The following KLHDC4 variants were observed in gnomAD, a reference collection of about 807,000 sequenced individuals.
KLHDC4 encodes the protein kelch domain containing 4.
A neutral mutation model predicts 62.4 loss-of-function variants in KLHDC4; 90 were observed. That is an observed-to-expected ratio of 1.44 (90% confidence interval 1.22 to 1.72). The LOEUF is 1.72. Ranked by LOEUF, KLHDC4 falls within the 40% of genes most tolerant of loss-of-function variation. The pLI is 0.00. For missense variants in KLHDC4, 1,025 were observed against 699.7 expected, an observed-to-expected ratio of 1.47 and a Z score of -5.25; for synonymous variants, 386 against 284.4, an observed-to-expected ratio of 1.36 and a Z score of -3.59.
chr16:87,731,525 G>T (rs1391480119), intron 5 of KLHDC4, among the ~76,000 whole-genome samples: 3 of 152,006 alleles, frequency 2.0e-5, no homozygotes, highest in African/African-American at 4.8e-5. Flanking sequence ...AGCGGTCAGG[G>T]AAACATATGC....
rs1255858544 is a variant in KLHDC4, at chr16:87,709,347, G to A, written c.1365C>T (p.Asp455=). 1 of 1,613,310 alleles carries A rather than the reference G, an allele frequency of 6.2e-7. No individual in the cohort carries two copies. Among genetic ancestry groups the A allele is most frequent in the East Asian group, 2.2e-5 (1 of 44,898 alleles). ...GCAGGTCGCTGAGGGTGACCTGGCG[G>A]TCGCCGGCCTCAAACATGCCCCCAT... is the stretch of plus-strand genomic sequence containing the variant. The part of the protein sequence containing the change: ...YVYGGMFEAG[D]RQVTLSDLHC... Residue 455 remains aspartate, a synonymous_variant, in exon 10 of 12, where the codon GAC becomes GAT. Coordinates refer to ENST00000270583, the MANE Select transcript of KLHDC4 (RefSeq NM_017566.4).
chr16:87,719,348 C>T (rs1030259181), intron 7 of KLHDC4, among the ~76,000 whole-genome samples: 2 of 152,208 alleles, frequency 1.3e-5, no homozygotes, highest in Non-Finnish European at 2.9e-5. Flanking sequence ...CCTTGGGATG[C>T]TGTTAATCTA....
intron 5 of KLHDC4, among the ~76,000 whole-genome samples, chr16:87,744,047 G>T (rs971092792): frequency 6.6e-6 from 1 of 151,986 alleles, no homozygotes; most frequent in Non-Finnish European, 1.5e-5. Flanking sequence ...GGGAGGCCGA[G>T]GGGGGCAGAT....
intron 4 of KLHDC4, among the ~76,000 whole-genome samples, chr16:87,753,645 C>T (rs1270745653): frequency 6.6e-6 from 1 of 150,732 alleles, no homozygotes; most frequent in Non-Finnish European, 1.5e-5. Context: ...ACTGAAAATA[C>T]AAAAAATTAC....
At chr16:87,759,097 G>T (rs771394284) in intron 2 of KLHDC4, among the ~76,000 whole-genome samples, 3 of 152,160 alleles carry the variant, frequency 2.0e-5, no homozygotes, top group Non-Finnish European at 4.4e-5. Context: ...GCTTGAACCT[G>T]GGAGGTGGAG....
chr16:87,717,433 CAG>C (rs1451600471), intron 7 of KLHDC4, among the ~76,000 whole-genome samples: 1 of 152,226 alleles, frequency 6.6e-6, no homozygotes. Flanking sequence ...CCACTGTCCA[CAG>C]AGACTTCATA....
downstream of KLHDC4, among the ~76,000 whole-genome samples, chr16:87,703,841 C>A (rs537792311): frequency 1.3e-5 from 2 of 152,356 alleles, no homozygotes; most frequent in South Asian, 4.1e-4. Context: ...TGTGGCCAGG[C>A]CCCAGATGGC....
At chr16:87,714,600 AC>A (rs748431698) in intron 7 of KLHDC4, 27 bp from the exon 8 acceptor site, 18 of 1,613,178 alleles carry the variant, frequency 1.1e-5, no homozygotes. Context: ...TTGTGTGAGA[AC>A]CGGGGGCAGC....
chr16:87,708,669 G>T, intron 10 of KLHDC4: 1 of 419,466 alleles, frequency 2.4e-6, no homozygotes, highest in Non-Finnish European at 4.2e-6. Flanking sequence ...AGAGATCCGA[G>T]ACGGCAAACA....
chr16:87,761,462 T>C (rs1391856086), intron 2 of KLHDC4, among the ~76,000 whole-genome samples: 2 of 152,220 alleles, frequency 1.3e-5, no homozygotes, highest in Non-Finnish European at 2.9e-5. Context: ...ATCCCACACG[T>C]GTATGAAATC....
chr16:87,763,293 G>T (rs2046148874), intron 1 of KLHDC4, among the ~76,000 whole-genome samples: 1 of 152,164 alleles, frequency 6.6e-6, no homozygotes. Flanking sequence ...ATATAGTATT[G>T]TTTTACATTT....
chr16:87,712,234 C>G (rs905388179), intron 8 of KLHDC4, among the ~76,000 whole-genome samples: 2 of 152,162 alleles, frequency 1.3e-5, no homozygotes, highest in African/African-American at 4.8e-5. Context: ...CTCCCCACCA[C>G]TTCTAGGAGA....
chr16:87,758,266 C>T (rs1352125088), intron 2 of KLHDC4, among the ~76,000 whole-genome samples: 2 of 152,206 alleles, frequency 1.3e-5, no homozygotes, highest in East Asian at 1.9e-4. Flanking sequence ...ATGCAATGCT[C>T]GTTACGGCCT....
chr16:87,734,109 G>T (rs932709344), intron 5 of KLHDC4, among the ~76,000 whole-genome samples: 1 of 152,238 alleles, frequency 6.6e-6, no homozygotes, highest in African/African-American at 2.4e-5. Flanking sequence ...CACTTTGAGA[G>T]GCCAAGGTGG....
At chr16:87,732,309 T>C (rs933872400) in intron 5 of KLHDC4, among the ~76,000 whole-genome samples, 2 of 152,102 alleles carry the variant, frequency 1.3e-5, no homozygotes, top group Non-Finnish European at 2.9e-5. Flanking sequence ...TTGGTCAGGC[T>C]GGTCTCGAAC....
chr16:87,712,153 G>C (rs911069091), intron 8 of KLHDC4, among the ~76,000 whole-genome samples: 2 of 152,172 alleles, frequency 1.3e-5, no homozygotes, highest in African/African-American at 4.8e-5. Flanking sequence ...CTTCAGGAAG[G>C]GTCTATGTTC....
At chr16:87,699,446 C>T (rs1346995449) in exon 1 of KLHDC4, 1 of 152,420 alleles carries the variant, frequency 6.6e-6, no homozygotes, top group Middle Eastern at 3.4e-3. Context: ...GTAATCCCAG[C>T]ACTTTGGGAG....
Position 87,709,270 on chromosome 16 carries a change from T to A in KLHDC4, c.1442A>T (p.Asp481Val). 2 of 1,607,210 alleles carry A rather than the reference T, an allele frequency of 1.2e-6. No homozygotes were observed. The highest frequency in any genetic ancestry group is 2.2e-5 in the South Asian group (2 of 90,978). ...CACCAAGCTGCCTGGCTCACCTGGG[T>A]CCATCTCCACCAAGGCCTTCCACGC... Reference protein sequence around the residue: ...MEAWKALVEMDPETQEWLEET... With the variant: ...MEAWKALVEMVPETQEWLEET... The change falls in exon 10 of 12, where the codon GAC becomes GTC. Residue 481 changes from aspartate to valine, a missense_variant. Transcript: ENST00000270583.
At chr16:87,749,857 CACGA>C (rs1417799687) in intron 4 of KLHDC4, among the ~76,000 whole-genome samples, 1 of 152,218 alleles carries the variant, frequency 6.6e-6, no homozygotes, top group African/African-American at 2.4e-5. Context: ...GGATTACACA[CACGA>C]ACCACCACAC....
Sources: allele counts gnomAD v4.1 joint callset (sites outside exome capture counted in the v4.1 genomes callset), GRCh38; gene constraint gnomAD v4.1.1; transcripts MANE v1.5; gene names NCBI Gene and HGNC (gene_info 2026-07-23, HGNC 2026-07-21).